The following DMD variants were observed in gnomAD, a reference collection of about 807,000 sequenced individuals.
The protein encoded by DMD is mutant dystrophin.
Under a neutral mutation model 330.1 loss-of-function variants are expected in DMD, and 63 were observed. That is an observed-to-expected ratio of 0.19 (90% CI 0.16 to 0.24). The LOEUF (loss-of-function observed/expected upper bound fraction) is 0.24. Ranked by LOEUF, DMD falls within the 10% of genes least tolerant of loss-of-function variation. DMD has a pLI of 1.00. For synonymous variants in DMD, 1,223 were observed against 959.8 expected (o/e 1.27, Z -5.07); for missense variants, 3,344 against 2,684.1 (o/e 1.25, Z -5.43).
intron 55 of DMD, among the ~76,000 whole-genome samples, chrX:31,617,719 C>T (rs1435916575): frequency 9.0e-6 from 1 of 110,859 alleles, no homozygotes; most frequent in Non-Finnish European, 1.9e-5. Flanking sequence ...AATGCCATTA[C>T]TGGGTATATA....
intron 4 of DMD, among the ~76,000 whole-genome samples, chrX:32,839,273 G>C (rs749426031): frequency 9.0e-6 from 1 of 110,558 alleles, no homozygotes; most frequent in South Asian, 3.8e-4. Context: ...CTTTATTACC[G>C]TGCCTAACCC....
At chrX:32,155,697 C>T (rs2096826865) in intron 44 of DMD, among the ~76,000 whole-genome samples, 1 of 111,316 alleles carries the variant, frequency 9.0e-6, no homozygotes, top group Non-Finnish European at 1.9e-5. Context: ...TTAAAAAATA[C>T]GGTAACAAAC....
At chrX:31,215,542 C>T (rs1014239444) in intron 64 of DMD, among the ~76,000 whole-genome samples, 1 of 111,859 alleles carries the variant, frequency 8.9e-6, no homozygotes, top group South Asian at 3.8e-4. Context: ...TTTCACAGGA[C>T]ATATCTGTTA....
intron 7 of DMD, among the ~76,000 whole-genome samples, chrX:32,776,896 T>C (rs767560261): frequency 8.9e-6 from 1 of 111,762 alleles, no homozygotes. Context: ...TGCTTGTGCA[T>C]GAAAGCTGAT....
chrX:31,161,305 G>A (rs1411927483), intron 74 of DMD, among the ~76,000 whole-genome samples: 2 of 111,862 alleles, frequency 1.8e-5, no homozygotes, highest in Non-Finnish European at 3.8e-5. Context: ...AATCAACTAT[G>A]CTAATCCCTA....
At chrX:32,588,686 G>C (rs923899676) in intron 13 of DMD, among the ~76,000 whole-genome samples, 1 of 111,603 alleles carries the variant, frequency 9.0e-6, no homozygotes, top group Admixed American at 9.5e-5. Context: ...AAGACTGAAG[G>C]CAAGGACTTT....
chrX:32,996,772 G>C (rs1208260116), intron 2 of DMD, among the ~76,000 whole-genome samples: 5 of 108,986 alleles, frequency 4.6e-5, no homozygotes, highest in Non-Finnish European at 7.6e-5. Context: ...AGCCGAGATA[G>C]TGCCATTGCA....
Position 32,652,667 on chromosome X carries a change from A to G in DMD, c.961-7515T>C, listed in dbSNP as rs150570986. 4.9e-3 allele frequency among the ~76,000 whole-genome samples: 549 copies of G among 111,271 alleles called. 2 individuals carry two copies. Among genetic ancestry groups the G allele is most frequent in the Non-Finnish European group, 7.6e-3 (403 of 52,997 alleles). On this transcript the variant is annotated intron_variant, in intron 9 of 78. Transcript: ENST00000357033. ...GAATATACCCAGTAATGGGTATATT[A>G]CTGTAATGGGATAAAATGGGATGGC...
At chrX:33,070,671 CTCTATATATATA>C (rs1157690779) in intron 1 of DMD, among the ~76,000 whole-genome samples, 422 of 43,981 alleles carry the variant, frequency 9.6e-3, no homozygotes, top group Middle Eastern at 0.014. Flanking sequence ...CTCTCTCTCT[CTCTATATATATA>C]TATATATATA....
intron 1 of DMD, among the ~76,000 whole-genome samples, chrX:33,062,129 T>C (rs750249101): frequency 8.9e-6 from 1 of 112,190 alleles, no homozygotes; most frequent in South Asian, 3.7e-4. Context: ...ATTTTCAGTA[T>C]TGAATAAAGA....
In DMD at chrX:32,733,607, T is replaced by C. The variant is rs367578277; in HGVS notation, c.650-34314A>G. Among the ~76,000 whole-genome samples the C allele has an allele frequency of 9.0e-5, 10 of 111,211 alleles. No individual in the cohort carries two copies. The East Asian group carries it at 2.5e-3, about 28-fold the overall frequency. On this transcript the variant is annotated intron_variant, in intron 7 of 78. Coordinates refer to ENST00000357033, the MANE Select transcript of DMD (RefSeq NM_004006.3). ...TCAAACTAGAACTCAGAATTAAGAA[T>C]CTCACTCAAAACCGCTCAACTACAT...
chrX:32,928,345 A>C (rs1414771882), intron 2 of DMD, among the ~76,000 whole-genome samples: 2 of 110,319 alleles, frequency 1.8e-5, no homozygotes, highest in Non-Finnish European at 3.8e-5. Context: ...CGTCATAAAA[A>C]TTTGACCTCA....
chrX:32,227,896 G>C (rs1049054432), intron 43 of DMD, among the ~76,000 whole-genome samples: 2 of 110,842 alleles, frequency 1.8e-5, no homozygotes, highest in Non-Finnish European at 3.8e-5. Context: ...TGTGGAGGAG[G>C]ACGCTGTAAC....
chrX:32,408,879 T>TCTATCTAC (rs1361260521), intron 30 of DMD, among the ~76,000 whole-genome samples: 1 of 105,793 alleles, frequency 9.5e-6, no homozygotes, highest in African/African-American at 3.4e-5. Flanking sequence ...TATCTATCTA[T>TCTATCTAC]CTATCTATCT....
intron 52 of DMD, among the ~76,000 whole-genome samples, chrX:31,719,694 T>C (rs2085325614): frequency 9.0e-6 from 1 of 111,350 alleles, no homozygotes; most frequent in Non-Finnish European, 1.9e-5. Context: ...AATGGGGATA[T>C]TCAAAGCAAC....
At chrX:32,818,136 G>C (rs1020352736) in intron 5 of DMD, among the ~76,000 whole-genome samples, 2 of 111,831 alleles carry the variant, frequency 1.8e-5, no homozygotes, top group African/African-American at 3.2e-5. Flanking sequence ...GCTAAATTAC[G>C]GTTGGAATCA....
At position 31,897,322 on chromosome X, in the gene DMD, T is replaced by C. The variant is rs751892873; in HGVS notation, c.6913-21949A>G. On this transcript the variant is annotated intron_variant, in intron 47 of 78. Coordinates refer to ENST00000357033, the MANE Select transcript of DMD (RefSeq NM_004006.3). ...CACATTTTCTTAATCCAGTCTATCA[T>C]TGTTGGACATTTGGGTTGGTTCCAA... Among the ~76,000 whole-genome samples, 63 of 110,540 alleles carry C rather than the reference T, an allele frequency of 5.7e-4. 1 individual carries two copies. The highest frequency in any genetic ancestry group is 1.9e-3 in the African/African-American group (59 of 30,602).
intron 76 of DMD, among the ~76,000 whole-genome samples, chrX:31,137,413 T>G (rs1343968388): frequency 8.9e-6 from 1 of 112,038 alleles, no homozygotes; most frequent in African/African-American, 3.2e-5. Context: ...TAATATTTTC[T>G]GTGTCAGAAT....
At chrX:32,129,784 T>A (rs937608051) in intron 44 of DMD, among the ~76,000 whole-genome samples, 1 of 108,494 alleles carries the variant, frequency 9.2e-6, no homozygotes, top group Non-Finnish European at 1.9e-5. Context: ...GAAAACATTA[T>A]GTCCAAGATT....
Sources: gnomAD v4.1 joint callset for allele counts (sites outside exome capture counted in the v4.1 genomes callset) on GRCh38, gnomAD v4.1.1 for gene constraint, MANE v1.5 for transcripts, NCBI Gene and HGNC (gene_info 2026-07-23, HGNC 2026-07-21) for gene names.